PPM1A: variants seen among roughly 807,000 people sequenced by gnomAD.
The protein encoded by PPM1A is protein phosphatase, Mg2+/Mn2+ dependent 1A.
A neutral mutation model predicts 35.0 loss-of-function variants in PPM1A; 7 were observed. That is an observed-to-expected ratio of 0.20 (90% confidence interval 0.11 to 0.38). The LOEUF (loss-of-function observed/expected upper bound fraction) is 0.38, where lower values mean the gene tolerates loss of function less well. Among genes scored for constraint, PPM1A ranks in the 10% least tolerant of loss-of-function variants. PPM1A has a pLI of 1.00. For missense variants in PPM1A, 239 were observed against 467.8 expected (o/e 0.51, Z 4.51); for synonymous variants, 153 against 167.3 (o/e 0.91, Z 0.66).
intron 3 of PPM1A, chr14:60,287,883 G>C (rs1165347239): frequency 5.1e-6 from 5 of 985,186 alleles, no homozygotes; most frequent in Non-Finnish European, 6.0e-6. Flanking sequence ...GGAGATGACT[G>C]ATAGAATCCC....
At position 60,249,803 on chromosome 14, in the gene PPM1A, G is replaced by C. The variant is rs1882118608; in HGVS notation, c.-21+126G>C. On this transcript the variant is annotated intron_variant, in intron 1 of 5. Transcript: ENST00000395076. This position sits in a 1 kb window ranked among gnomAD's most constrained non-coding sequence, Gnocchi z 4.5. Reference sequence around the variant, plus strand: ...TGCCCGGGCGCTCCCGGGAGGAGACGCGACAACTCCACCCCCTGGCCGGCC... The same window carrying C: ...TGCCCGGGCGCTCCCGGGAGGAGACCCGACAACTCCACCCCCTGGCCGGCC... 2.8e-5 allele frequency: 13 copies of C among 471,510 alleles called. No individual in the cohort carries two copies. Among genetic ancestry groups the C allele is most frequent in the Non-Finnish European group, 3.6e-5 (13 of 360,214 alleles). The allele number at this position is 471,510 out of a possible 1,614,324, so 29.2% of individuals were successfully genotyped here.
intron 1 of PPM1A, among the ~76,000 whole-genome samples, chr14:60,269,193 T>G (rs1884770231): frequency 6.6e-6 from 1 of 152,188 alleles, no homozygotes; most frequent in African/African-American, 2.4e-5. Context: ...TCTTGGTATC[T>G]TTTTTGCCTA....
At chr14:60,281,354 A>G (rs899432003) in intron 1 of PPM1A, among the ~76,000 whole-genome samples, 3 of 152,194 alleles carry the variant, frequency 2.0e-5, no homozygotes, top group Admixed American at 1.3e-4. Flanking sequence ...TTTTCTGCCT[A>G]TGTATCAGTT....
intron 1 of PPM1A, among the ~76,000 whole-genome samples, chr14:60,253,362 C>A (rs1595258824): frequency 6.6e-6 from 1 of 152,058 alleles, no homozygotes; most frequent in Admixed American, 6.5e-5. Flanking sequence ...TTTGCCATAA[C>A]CCTCTAAAAT....
chr14:60,272,805 C>T (rs949670814), intron 1 of PPM1A, among the ~76,000 whole-genome samples: 1 of 151,438 alleles, frequency 6.6e-6, no homozygotes, highest in Non-Finnish European at 1.5e-5. Context: ...TTTCATGAAC[C>T]TTTACTCTTA....
At chr14:60,269,790 C>T (rs907208493) in intron 1 of PPM1A, among the ~76,000 whole-genome samples, 1 of 152,172 alleles carries the variant, frequency 6.6e-6, no homozygotes, top group Non-Finnish European at 1.5e-5. Flanking sequence ...CTCAGGTGAT[C>T]CTCCTGCCTT....
At chr14:60,271,871 C>T (rs75309967) in intron 1 of PPM1A, among the ~76,000 whole-genome samples, 198 of 152,044 alleles carry the variant, frequency 1.3e-3, no homozygotes, top group African/African-American at 4.6e-3. Flanking sequence ...GAACTTTAGT[C>T]TTCTCATGTA....
At chr14:60,280,255 C>T (rs1340705280) in intron 1 of PPM1A, among the ~76,000 whole-genome samples, 32 of 152,268 alleles carry the variant, frequency 2.1e-4, no homozygotes, top group African/African-American at 6.5e-4. Context: ...CCACCCACCT[C>T]GGCCTCCTAA....
chr14:60,250,153 C>G (rs1365917270), intron 1 of PPM1A, among the ~76,000 whole-genome samples: 7 of 152,128 alleles, frequency 4.6e-5, no homozygotes, highest in Admixed American at 3.9e-4. Context: ...GGCTTAGCCT[C>G]GAAAAACCTA....
At chr14:60,286,775 T>G in intron 3 of PPM1A, 2 of 981,700 alleles carry the variant, frequency 2.0e-6, no homozygotes, top group Non-Finnish European at 2.4e-6. Flanking sequence ...CTAGAGCTAC[T>G]ATTTTGTTTT....
rs111509683 is a variant in PPM1A at position 60,280,154 on chromosome 14, C to A, written c.-20-2530C>A. ...CCAAGTAGCCGGGATTACGGGCATG[C>A]GCCACCATGCCTGGCTAATTTTTGT... On this transcript the variant is annotated intron_variant, in intron 1 of 5. Transcript: ENST00000395076. Among the ~76,000 whole-genome samples, 87 of 152,222 alleles carry A rather than the reference C, an allele frequency of 5.7e-4. No individual in the cohort carries two copies. In the South Asian group the frequency reaches 7.9e-3, roughly 14 times the overall value.
rs777738087 is a variant in PPM1A, at chr14:60,294,996, A to G, written c.*2514A>G. On this transcript the variant is annotated 3_prime_UTR_variant, in exon 6 of 6. Coordinates refer to ENST00000395076, the MANE Select transcript of PPM1A (RefSeq NM_021003.5). ...TTTTTAAAGGCACTTTTGCACCTCTATTGTGCACTTCATTCTTGTACCACT... is the reference window on the plus strand; with the variant it reads ...TTTTTAAAGGCACTTTTGCACCTCTGTTGTGCACTTCATTCTTGTACCACT... 4.6e-5 allele frequency: 7 copies of G among 151,838 alleles called. No individual in the cohort carries two copies. The highest frequency in any genetic ancestry group is 2.1e-4 in the South Asian group (1 of 4,820). 9.4% of individuals were successfully genotyped at this position (151,838 alleles called of 1,614,324 possible). A position where few individuals can be genotyped will look rare whatever the true frequency, so the allele number is the denominator to read the frequency against.
Position 60,277,017 on chromosome 14 carries a change from A to G in PPM1A, c.-20-5667A>G, listed in dbSNP as rs539432054. On this transcript the variant is annotated intron_variant, in intron 1 of 5. Transcript: ENST00000395076. ...TTTTTTGTCATAGTACTTTGTTTTG[A>G]AAAGTTCAGATCAACTGATAATACT... The G allele has an allele frequency of 7.7e-5, 90 of 1,170,528 alleles. 1 individual carries two copies. The South Asian group carries it at 1.4e-3, about 18-fold the overall frequency. 72.5% of individuals were successfully genotyped at this position (1,170,528 alleles called of 1,614,324 possible).
chr14:60,269,779 C>G (rs1034121867), intron 1 of PPM1A, among the ~76,000 whole-genome samples: 2 of 152,144 alleles, frequency 1.3e-5, no homozygotes, highest in African/African-American at 2.4e-5. Flanking sequence ...AAACTCCTGA[C>G]CTCAGGTGAT....
intron 1 of PPM1A, among the ~76,000 whole-genome samples, chr14:60,270,751 A>T (rs1884985132): frequency 1.3e-5 from 2 of 149,912 alleles, no homozygotes; most frequent in South Asian, 2.1e-4. Context: ...ATCATATTTC[A>T]TTATTTTTGA....
At chr14:60,265,628 A>G (rs1319346191) in intron 1 of PPM1A, among the ~76,000 whole-genome samples, 1 of 152,236 alleles carries the variant, frequency 6.6e-6, no homozygotes, top group Non-Finnish European at 1.5e-5. Context: ...TTGCTATCAC[A>G]GAATATCACA....
intron 1 of PPM1A, among the ~76,000 whole-genome samples, chr14:60,252,289 A>G (rs544379052): frequency 4.6e-5 from 7 of 152,338 alleles, no homozygotes; most frequent in Non-Finnish European, 1.0e-4. Flanking sequence ...TAAGATGTAA[A>G]TCTATGCTCA....
At position 60,263,642 on chromosome 14, in the gene PPM1A, G is replaced by A. The variant is rs116185644; in HGVS notation, c.-21+13965G>A. Among the ~76,000 whole-genome samples, 1,034 of 152,142 alleles carry A rather than the reference G, an allele frequency of 6.8e-3. 20 individuals are homozygous for A. Among genetic ancestry groups the A allele is most frequent in the African/African-American group, 0.023 (975 of 41,510 alleles). On this transcript the variant is annotated intron_variant, in intron 1 of 5. Coordinates refer to ENST00000395076, the MANE Select transcript of PPM1A (RefSeq NM_021003.5). ...CAAATACTGAAGGTTGGACCCAATA[G>A]GTAGTTTTTCAACCCTCACCCTCTC...
intron 1 of PPM1A, among the ~76,000 whole-genome samples, chr14:60,252,626 A>C (rs887913398): frequency 3.9e-5 from 6 of 152,288 alleles, no homozygotes; most frequent in African/African-American, 1.4e-4. Flanking sequence ...TCAAATAACA[A>C]ATTTTAAAAT....
Sources: allele counts gnomAD v4.1 joint callset (sites outside exome capture counted in the v4.1 genomes callset), GRCh38; gene constraint gnomAD v4.1.1; non-coding constraint Gnocchi (gnomAD v3.1); transcripts MANE v1.5; gene names NCBI Gene and HGNC (gene_info 2026-07-23, HGNC 2026-07-21).